Variants in CSMD3 observed in about 807,000 individuals in gnomAD.
CSMD3 encodes the protein CUB and Sushi multiple domains 3.
Under a neutral mutation model 435.2 loss-of-function variants are expected in CSMD3, and 177 were observed. The ratio of observed to expected loss-of-function variants is 0.41; its 90% CI spans 0.36 to 0.46. The LOEUF is 0.46. Ranked by LOEUF, CSMD3 falls within the 20% of genes least tolerant of loss-of-function variation. The pLI, the probability that CSMD3 is intolerant of heterozygous loss-of-function variation, is 0.34. For synonymous variants in CSMD3, 1,656 were observed against 1,520.5 expected, an observed-to-expected ratio of 1.09 and a Z score of -2.07; for missense variants, 4,265 against 4,504.6, an observed-to-expected ratio of 0.95 and a Z score of 1.52.
At chr8:112,589,215 C>T (rs1162257766) in intron 22 of CSMD3, among the ~76,000 whole-genome samples, 1 of 152,086 alleles carries the variant, frequency 6.6e-6, no homozygotes, top group East Asian at 1.9e-4. Flanking sequence ...AATGCGATCC[C>T]AGTGTGCCTG....
intron 22 of CSMD3, among the ~76,000 whole-genome samples, chr8:112,614,575 A>C (rs1240705309): frequency 6.6e-6 from 1 of 152,022 alleles, no homozygotes; most frequent in African/African-American, 2.4e-5. Flanking sequence ...GTAACAAACC[A>C]CTTCAGGATG....
intron 5 of CSMD3, among the ~76,000 whole-genome samples, chr8:113,068,141 G>A (rs957320970): frequency 3.9e-5 from 6 of 152,128 alleles, no homozygotes; most frequent in Admixed American, 3.3e-4. Flanking sequence ...ACTTTTGAGT[G>A]AAGTTAATAA....
chr8:113,268,070 C>T (rs1199003994), intron 3 of CSMD3, among the ~76,000 whole-genome samples: 1 of 151,516 alleles, frequency 6.6e-6, no homozygotes, highest in Non-Finnish European at 1.5e-5. Context: ...TAAGATATTC[C>T]ATGGTAGGTT....
chr8:113,403,473 T>C (rs754757339), intron 1 of CSMD3, among the ~76,000 whole-genome samples: 7 of 151,206 alleles, frequency 4.6e-5, no homozygotes, highest in African/African-American at 7.3e-5. Context: ...AAAAGGAAAA[T>C]ATATATAGAA....
At chr8:112,716,690 G>A (rs961787171) in intron 13 of CSMD3, among the ~76,000 whole-genome samples, 6 of 151,916 alleles carry the variant, frequency 3.9e-5, no homozygotes, top group Admixed American at 6.6e-5. Flanking sequence ...ACAAGGCTAC[G>A]ATTACCAAAA....
intron 3 of CSMD3, among the ~76,000 whole-genome samples, chr8:113,211,490 G>GACC (rs2092833969): frequency 6.6e-6 from 1 of 152,056 alleles, no homozygotes; most frequent in Admixed American, 6.6e-5. Context: ...AAGAGTTTGA[G>GACC]ACCAGCCTGG....
intron 11 of CSMD3, among the ~76,000 whole-genome samples, chr8:112,841,832 C>T (rs574588567): frequency 6.6e-6 from 1 of 151,782 alleles, no homozygotes; most frequent in Non-Finnish European, 1.5e-5. Flanking sequence ...TCCCTTCAAA[C>T]CTTACCCCTA....
chr8:112,796,566 A>G (rs1467293160), intron 13 of CSMD3, among the ~76,000 whole-genome samples: 1 of 152,066 alleles, frequency 6.6e-6, no homozygotes, highest in Non-Finnish European at 1.5e-5. Flanking sequence ...AGTTGAAAAT[A>G]TATCCAAAAA....
chr8:112,414,547 G>A (rs1032615003), intron 32 of CSMD3, among the ~76,000 whole-genome samples: 1 of 152,122 alleles, frequency 6.6e-6, no homozygotes, highest in African/African-American at 2.4e-5. Flanking sequence ...TTTCTTCATA[G>A]CAGTGTGAGA....
In CSMD3 at chr8:113,172,728, C is replaced by T. The variant is rs535608869; in HGVS notation, c.709+994G>A. ...GTTGTGGTGCATGTATTTGCAGTGA[C>T]ATGTTTGGGAGGAAGCTACAAAGTA... On this transcript the variant is annotated intron_variant, in intron 4 of 70. Coordinates refer to ENST00000297405, the MANE Select transcript of CSMD3 (RefSeq NM_198123.2). Among the ~76,000 whole-genome samples the T allele has an allele frequency of 3.3e-5, 5 of 152,216 alleles. No homozygotes were observed. The South Asian group carries it at 6.2e-4, about 19-fold the overall frequency.
At chr8:113,175,843 G>A (rs2092339380) in intron 3 of CSMD3, among the ~76,000 whole-genome samples, 1 of 152,026 alleles carries the variant, frequency 6.6e-6, no homozygotes, top group South Asian at 2.1e-4. Context: ...TTAAGGTCAG[G>A]ACTTCAATTA....
intron 1 of CSMD3, among the ~76,000 whole-genome samples, chr8:113,407,985 A>G (rs1358896922): frequency 6.6e-6 from 1 of 152,180 alleles, no homozygotes; most frequent in Non-Finnish European, 1.5e-5. Context: ...CAGTATAGAA[A>G]TGTGTTTTTA....
chr8:112,701,779 A>C (rs2076394571), intron 13 of CSMD3, among the ~76,000 whole-genome samples: 1 of 152,120 alleles, frequency 6.6e-6, no homozygotes, highest in African/African-American at 2.4e-5. Context: ...AAGCAACCTA[A>C]GTGTTAGACA....
chr8:112,752,477 A>G (rs755061897), intron 13 of CSMD3, among the ~76,000 whole-genome samples: 2 of 152,314 alleles, frequency 1.3e-5, no homozygotes, highest in Admixed American at 6.5e-5. Context: ...AGAAAAAGCT[A>G]AAGTTTAGCT....
intron 13 of CSMD3, among the ~76,000 whole-genome samples, chr8:112,708,705 C>G: frequency 7.9e-6 from 1 of 126,696 alleles, no homozygotes; most frequent in East Asian, 2.1e-4. Context: ...ACCACCACAC[C>G]AAACAGGACG....
chr8:112,841,727 C>T (rs942602698), intron 11 of CSMD3, among the ~76,000 whole-genome samples: 2 of 151,634 alleles, frequency 1.3e-5, no homozygotes, highest in African/African-American at 2.4e-5. Flanking sequence ...TGTTAGAGAT[C>T]GTCACAGACT....
At chr8:112,907,113 G>A (rs187194299) in intron 10 of CSMD3, among the ~76,000 whole-genome samples, 1 of 151,488 alleles carries the variant, frequency 6.6e-6, no homozygotes, top group African/African-American at 2.4e-5. Flanking sequence ...AATCAGAAAA[G>A]GGAAAAGTTA....
At chr8:112,286,996 C>T in intron 58 of CSMD3, 68 bp downstream of exon 58, 1 of 1,262,570 alleles carries the variant, frequency 7.9e-7, no homozygotes, top group Admixed American at 1.7e-5. Flanking sequence ...CCTAGTAGTA[C>T]TCATCTGGAT....
At chr8:113,179,819 T>A (rs7824290) in intron 3 of CSMD3, among the ~76,000 whole-genome samples, 101,217 of 151,386 alleles carry the variant, frequency 0.67, 35,304 homozygotes, top group East Asian at 0.94. Flanking sequence ...AAGAAATTTT[T>A]AAAAAAAAGT....
Sources: allele counts gnomAD v4.1 joint callset (sites outside exome capture counted in the v4.1 genomes callset), GRCh38; gene constraint gnomAD v4.1.1; transcripts MANE v1.5; gene names NCBI Gene and HGNC (gene_info 2026-07-23, HGNC 2026-07-21).